Variants in ANKRD12 observed in about 807,000 individuals in gnomAD.
ANKRD12 encodes ankyrin repeat domain-containing protein 12.
A neutral mutation model predicts 183.4 loss-of-function variants in ANKRD12; 85 were observed. The observed-to-expected ratio is 0.46, with a 90% CI of 0.39 to 0.56. The LOEUF (loss-of-function observed/expected upper bound fraction) is 0.56. Among genes scored for constraint, ANKRD12 ranks in the 20% least tolerant of loss-of-function variants. The pLI is 0.00. For missense variants in ANKRD12, 2,405 were observed against 2,357.1 expected, an observed-to-expected ratio of 1.02 and a Z score of -0.42; for synonymous variants, 914 against 800.2, an observed-to-expected ratio of 1.14 and a Z score of -2.40.
intron 8 of ANKRD12, among the ~76,000 whole-genome samples, chr18:9,237,452 C>T (rs141790174): frequency 5.7e-4 from 86 of 152,194 alleles, no homozygotes; most frequent in African/African-American, 1.9e-3. Flanking sequence ...TGGGAGTATC[C>T]TATGTTTATT....
intron 11 of ANKRD12, 145 bp from the exon 12 acceptor site, chr18:9,279,404 A>G (rs2040004453): frequency 3.7e-6 from 2 of 542,076 alleles, no homozygotes; most frequent in African/African-American, 2.0e-5. Context: ...AGTTTTACCA[A>G]CTTCAGCAGT....
rs2040100739 is a variant in ANKRD12, at chr18:9,281,372, A to G, written c.*246A>G. ...GGAAAGGTAACTATTGCATTAGAGC[A>G]TGTTGGCAGACTGGTAGGTATTTAA... On this transcript the variant is annotated 3_prime_UTR_variant, in exon 13 of 13. Coordinates refer to ENST00000262126, the MANE Select transcript of ANKRD12 (RefSeq NM_015208.5). 1 of 310,972 alleles carries G rather than the reference A, an allele frequency of 3.2e-6. No homozygotes were observed. The highest frequency in any genetic ancestry group is 5.8e-6 in the Non-Finnish European group (1 of 172,420). 19.3% of individuals were successfully genotyped at this position (310,972 alleles called of 1,614,324 possible). A position where few individuals can be genotyped will look rare whatever the true frequency, so the allele number is the denominator to read the frequency against.
At chr18:9,152,694 A>T (rs2078722348) in intron 1 of ANKRD12, among the ~76,000 whole-genome samples, 1 of 152,018 alleles carries the variant, frequency 6.6e-6, no homozygotes, top group African/African-American at 2.4e-5. Flanking sequence ...ACATAGATTG[A>T]ATGTTCATTT....
At chr18:9,142,277 C>T (rs1293536133) in intron 1 of ANKRD12, among the ~76,000 whole-genome samples, 1 of 152,196 alleles carries the variant, frequency 6.6e-6, no homozygotes, top group African/African-American at 2.4e-5. Flanking sequence ...TTGTAGTTCA[C>T]ACAGTGCTTT....
intron 2 of ANKRD12, among the ~76,000 whole-genome samples, chr18:9,186,136 G>GTTTTTTTTTTTTTTTTTTTTTTTTTT (rs1280812557): frequency 2.1e-5 from 3 of 141,892 alleles, no homozygotes; most frequent in Non-Finnish European, 3.1e-5. Flanking sequence ...CTAAAAGTGT[G>GTTTTTTTTTTTTTTTTTTTTTTTTTT]ATTTTTTTTT....
intron 1 of ANKRD12, among the ~76,000 whole-genome samples, chr18:9,168,093 C>T (rs370924708): frequency 6.6e-6 from 1 of 152,066 alleles, no homozygotes; most frequent in African/African-American, 2.4e-5. Flanking sequence ...GGATAAGCTT[C>T]TTGATGTGCT....
rs1469742565 is a variant in ANKRD12 at position 9,211,570 on chromosome 18, C to T, written c.452-14C>T. 1.2e-6 allele frequency: 2 copies of T among 1,611,056 alleles called. No homozygotes were observed. Among genetic ancestry groups the T allele is most frequent in the Admixed American group, 3.4e-5 (2 of 59,654 alleles). On this transcript the variant is annotated splice_polypyrimidine_tract_variant and intron_variant, in intron 5 of 12. Transcript: ENST00000262126. ...TTAGCCTAGAACTTCTGCTAACTTTCTTCTTTCTTACAGATTCCACACCAA... is the reference window on the plus strand; with the variant it reads ...TTAGCCTAGAACTTCTGCTAACTTTTTTCTTTCTTACAGATTCCACACCAA...
intron 2 of ANKRD12, among the ~76,000 whole-genome samples, chr18:9,192,539 A>G (rs2034517838): frequency 6.6e-6 from 1 of 152,144 alleles, no homozygotes; most frequent in East Asian, 1.9e-4. Context: ...TAGACTTCTA[A>G]AATGAATTGG....
chr18:9,255,156 G>C lies in ANKRD12; in HGVS notation c.1889G>C (p.Ser630Thr), dbSNP rs753563764. 1.5e-5 allele frequency: 23 copies of C among 1,585,938 alleles called. No homozygotes were observed. Among genetic ancestry groups the C allele is most frequent in the South Asian group, 1.4e-4 (12 of 84,860 alleles). The change falls in exon 9 of 13, where the codon AGT becomes ACT. Residue 630 changes from serine to threonine, a missense_variant. Ser to Thr is a moderately conservative substitution (Grantham distance 58). Coordinates refer to ENST00000262126, the MANE Select transcript of ANKRD12 (RefSeq NM_015208.5). Reference sequence around the variant, plus strand: ...GCCAAAATAAAGGATGAAGATCATAGTCCAACATTTGAAAATTCAGATTGC... The same window carrying C: ...GCCAAAATAAAGGATGAAGATCATACTCCAACATTTGAAAATTCAGATTGC... ...SNAKIKDEDH[S>T]PTFENSDCTL...
At chr18:9,170,428 C>T (rs1430020438) in intron 1 of ANKRD12, among the ~76,000 whole-genome samples, 1 of 152,050 alleles carries the variant, frequency 6.6e-6, no homozygotes, top group Non-Finnish European at 1.5e-5. Flanking sequence ...ATTCTTTTTT[C>T]TCTAAACTTC....
rs553376163 is a variant in ANKRD12, at chr18:9,284,428, A to G, written c.*3302A>G. The G allele has an allele frequency of 1.3e-5, 2 of 152,312 alleles. No homozygotes were observed. Among genetic ancestry groups the G allele is most frequent in the African/African-American group, 4.8e-5 (2 of 41,584 alleles). 9.4% of individuals were successfully genotyped at this position (152,312 alleles called of 1,614,324 possible). ...TGTCTCTGATATCTTAAAACATAAAAACCCAAAATTTTATATAGAAGAAAT... is the reference window on the plus strand; with the variant it reads ...TGTCTCTGATATCTTAAAACATAAAGACCCAAAATTTTATATAGAAGAAAT... On this transcript the variant is annotated 3_prime_UTR_variant, in exon 13 of 13. Transcript: ENST00000262126.
At chr18:9,179,467 G>T (rs1054397562) in intron 1 of ANKRD12, among the ~76,000 whole-genome samples, 1 of 152,058 alleles carries the variant, frequency 6.6e-6, no homozygotes, top group Non-Finnish European at 1.5e-5. Flanking sequence ...CTGTTGAGAT[G>T]GTCATATATT....
intron 3 of ANKRD12, among the ~76,000 whole-genome samples, chr18:9,202,548 T>A (rs1444388481): frequency 6.6e-6 from 1 of 152,206 alleles, no homozygotes; most frequent in Non-Finnish European, 1.5e-5. Flanking sequence ...TTATTTTTGG[T>A]ATTTTTCTCT....
intron 10 of ANKRD12, among the ~76,000 whole-genome samples, chr18:9,271,628 G>T (rs2039609494): frequency 6.6e-6 from 1 of 152,190 alleles, no homozygotes; most frequent in African/African-American, 2.4e-5. Context: ...AAAGTGCTGG[G>T]ATTATAGGTA....
chr18:9,221,336 T>A (rs1372435770), intron 7 of ANKRD12, among the ~76,000 whole-genome samples: 1 of 152,050 alleles, frequency 6.6e-6, no homozygotes, highest in Non-Finnish European at 1.5e-5. Flanking sequence ...AAGTGAAGGG[T>A]CTTGAAGTTT....
chr18:9,152,992 ATTTC>A (rs1400677132), intron 1 of ANKRD12, among the ~76,000 whole-genome samples: 3 of 151,958 alleles, frequency 2.0e-5, no homozygotes, highest in Non-Finnish European at 4.4e-5. Context: ...GTCCTCATGT[ATTTC>A]TTTTTTAAAA....
intron 2 of ANKRD12, among the ~76,000 whole-genome samples, chr18:9,189,297 C>T (rs910047432): frequency 4.6e-5 from 7 of 152,172 alleles, no homozygotes; most frequent in African/African-American, 1.7e-4. Context: ...GAAGAAAAGT[C>T]TGAAGCTAGC....
In ANKRD12 at chr18:9,218,665, C is replaced by CT. The variant is rs58382120; in HGVS notation, c.795+1778dup. Among the ~76,000 whole-genome samples, 675 of 142,848 alleles carry CT rather than the reference C, an allele frequency of 4.7e-3. 4 individuals carry two copies. Among genetic ancestry groups the CT allele is most frequent in the African/African-American group, 0.013 (503 of 38,908 alleles). The allele number at this position is 142,848 out of a possible 152,430, so 93.7% of individuals were successfully genotyped here. A position where few individuals can be genotyped will look rare whatever the true frequency, so the allele number is the denominator to read the frequency against. On this transcript the variant is annotated intron_variant, in intron 7 of 12. Transcript: ENST00000262126. The stretch of plus-strand genomic sequence containing the variant: ...GTAATTCCTAAAACACTTCTTTTTT[C>CT]TTTTTTTTTTTTTCTTTTTTTTGAG...
chr18:9,149,793 A>ATT (rs11403682), intron 1 of ANKRD12, among the ~76,000 whole-genome samples: 28 of 145,112 alleles, frequency 1.9e-4, no homozygotes, highest in South Asian at 4.2e-4. Flanking sequence ...TATTTATTAA[A>ATT]TTTTATTTTT....
Sources: gnomAD v4.1 joint callset for allele counts (sites outside exome capture counted in the v4.1 genomes callset) on GRCh38, gnomAD v4.1.1 for gene constraint, MANE v1.5 for transcripts, NCBI Gene and HGNC (gene_info 2026-07-23, HGNC 2026-07-21) for gene names.